The following CGNL1 variants were observed in gnomAD, a reference collection of about 807,000 sequenced individuals.
The protein encoded by CGNL1 is cingulin-like protein 1.
A neutral mutation model predicts 141.2 loss-of-function variants in CGNL1; 132 were observed. The observed-to-expected ratio is 0.93, with a 90% confidence interval of 0.81 to 1.08. The LOEUF (loss-of-function observed/expected upper bound fraction) is 1.08. Among genes scored for constraint, CGNL1 ranks in the 50% least tolerant of loss-of-function variants. CGNL1 has a pLI of 0.00. For missense variants in CGNL1, 1,870 were observed against 1,588.6 expected, an observed-to-expected ratio of 1.18 and a Z score of -3.01; for synonymous variants, 690 against 622.1, an observed-to-expected ratio of 1.11 and a Z score of -1.63.
intron 18 of CGNL1, among the ~76,000 whole-genome samples, chr15:57,546,737 CT>C (rs1291324003): frequency 6.6e-6 from 1 of 152,108 alleles, no homozygotes. Context: ...TTGTGGGTTG[CT>C]TTTTCTGCTC....
chr15:57,534,612 C>T (rs980235929), intron 14 of CGNL1, among the ~76,000 whole-genome samples: 9 of 152,188 alleles, frequency 5.9e-5, no homozygotes, highest in African/African-American at 9.7e-5. Flanking sequence ...CTTCTAGGGC[C>T]GTGTGCCTGT....
chr15:57,520,386 C>T (rs1033058489), intron 10 of CGNL1, among the ~76,000 whole-genome samples: 4 of 152,192 alleles, frequency 2.6e-5, no homozygotes, highest in African/African-American at 9.7e-5. Context: ...GTGTTTTTCT[C>T]AGTCTTTGTG....
intron 8 of CGNL1, among the ~76,000 whole-genome samples, chr15:57,496,797 A>G (rs1169595342): frequency 1.3e-5 from 2 of 152,190 alleles, no homozygotes; most frequent in African/African-American, 2.4e-5. Context: ...TAAAATCAGG[A>G]TAATTACAGA....
Position 57,482,731 on chromosome 15 carries a change from T to C in CGNL1, c.2403+20839T>C, listed in dbSNP as rs118037816. On this transcript the variant is annotated intron_variant, in intron 8 of 18. Transcript: ENST00000281282. ...TGGTAGACTGAATCTTCCACTTTAT[T>C]CTTTTTTAAAATTGTTTTAGCTATT... Among the ~76,000 whole-genome samples, 26 of 152,298 alleles carry C rather than the reference T, an allele frequency of 1.7e-4. 1 individual carries two copies. In the East Asian group the frequency reaches 4.4e-3, roughly 26 times the overall value.
intron 1 of CGNL1, among the ~76,000 whole-genome samples, chr15:57,387,120 GC>G (rs1801238025): frequency 6.6e-6 from 1 of 152,058 alleles, no homozygotes; most frequent in South Asian, 2.1e-4. Context: ...CTCCCTGCGA[GC>G]CCGCTCATCT....
chr15:57,464,059 G>T (rs528000936), intron 8 of CGNL1, among the ~76,000 whole-genome samples: 1 of 127,394 alleles, frequency 7.8e-6, no homozygotes, highest in African/African-American at 3.0e-5. Context: ...TTAGGCATAG[G>T]GGGCACTTTT....
chr15:57,528,597 A>G (rs1220926132), intron 12 of CGNL1, 57 bp from the exon 13 acceptor site: 1 of 1,574,312 alleles, frequency 6.4e-7, no homozygotes. Context: ...CTGTCTGTGG[A>G]GGTCTCTATG....
intron 4 of CGNL1, among the ~76,000 whole-genome samples, chr15:57,445,841 G>T (rs551153564): frequency 6.6e-6 from 1 of 152,148 alleles, no homozygotes; most frequent in African/African-American, 2.4e-5. Context: ...CCTTTTGAGA[G>T]AATCATCATG....
At chr15:57,455,853 T>A (rs546736958) in intron 7 of CGNL1, among the ~76,000 whole-genome samples, 1 of 152,296 alleles carries the variant, frequency 6.6e-6, no homozygotes, top group Non-Finnish European at 1.5e-5. Context: ...CAGAGGCTGA[T>A]AATGCGAGAT....
At chr15:57,428,829 C>T (rs1044706557) in intron 1 of CGNL1, among the ~76,000 whole-genome samples, 3 of 152,068 alleles carry the variant, frequency 2.0e-5, no homozygotes, top group Non-Finnish European at 4.4e-5. Flanking sequence ...TCGAGACCAT[C>T]CTGGCCAACA....
At chr15:57,425,806 G>T (rs1334502186) in intron 1 of CGNL1, among the ~76,000 whole-genome samples, 1 of 151,016 alleles carries the variant, frequency 6.6e-6, no homozygotes, top group Non-Finnish European at 1.5e-5. Flanking sequence ...ACCCTAAAAG[G>T]TTAAAATATA....
intron 8 of CGNL1, among the ~76,000 whole-genome samples, chr15:57,475,584 C>G (rs2063644850): frequency 6.6e-6 from 1 of 151,496 alleles, no homozygotes; most frequent in Non-Finnish European, 1.5e-5. Flanking sequence ...CAACCCCAAG[C>G]CTAGTTAATG....
At chr15:57,486,468 T>G (rs1394796106) in intron 8 of CGNL1, among the ~76,000 whole-genome samples, 2 of 152,196 alleles carry the variant, frequency 1.3e-5, no homozygotes. Context: ...ACTGTTCTTA[T>G]CACCAAATCT....
At chr15:57,381,029 T>A (rs1415336100) in intron 1 of CGNL1, among the ~76,000 whole-genome samples, 2 of 152,228 alleles carry the variant, frequency 1.3e-5, no homozygotes, top group Non-Finnish European at 1.5e-5. Context: ...AAACTGGACT[T>A]CACACTGTTT....
intron 1 of CGNL1, among the ~76,000 whole-genome samples, chr15:57,427,669 C>G (rs187475673): frequency 1.3e-5 from 2 of 152,210 alleles, no homozygotes; most frequent in Admixed American, 1.3e-4. Flanking sequence ...CAACATATTC[C>G]GAGGGAGAAT....
intron 8 of CGNL1, among the ~76,000 whole-genome samples, chr15:57,474,598 T>A (rs1385003642): frequency 1.3e-5 from 2 of 152,250 alleles, no homozygotes; most frequent in African/African-American, 4.8e-5. Flanking sequence ...GTCAGGGTTT[T>A]AAACCCAGCT....
chr15:57,438,250 T>C lies in CGNL1; in HGVS notation c.251T>C (p.Leu84Pro), dbSNP rs774625872. The change falls in exon 2 of 19, where the codon CTG becomes CCG. Residue 84 changes from leucine to proline, a missense_variant. Leu to Pro is a moderately conservative substitution (Grantham distance 98, BLOSUM62 -3). Transcript: ENST00000281282. ...PPFPPPVINN[L>P]PLHSSNGSVP... ...TTTCCACCTCCAGTGATAAATAACC[T>C]GCCTCTACATTCCAGCAATGGTTCT... 1 of 1,614,058 alleles carries C rather than the reference T, an allele frequency of 6.2e-7. No homozygotes were observed. Among genetic ancestry groups the C allele is most frequent in the African/African-American group, 1.3e-5 (1 of 74,920 alleles).
chr15:57,473,675 T>C (rs1187013083), intron 8 of CGNL1, among the ~76,000 whole-genome samples: 1 of 152,094 alleles, frequency 6.6e-6, no homozygotes, highest in East Asian at 1.9e-4. Flanking sequence ...CCAGCTGCCA[T>C]GTTGTAAGTG....
intron 14 of CGNL1, among the ~76,000 whole-genome samples, chr15:57,534,809 C>A (rs751835772): frequency 3.9e-5 from 6 of 152,234 alleles, no homozygotes; most frequent in Non-Finnish European, 8.8e-5. Context: ...CAAACTGCTA[C>A]TAGGCACTGA....
Sources: gnomAD v4.1 joint callset for allele counts (sites outside exome capture counted in the v4.1 genomes callset) on GRCh38, gnomAD v4.1.1 for gene constraint, MANE v1.5 for transcripts, NCBI Gene and HGNC (gene_info 2026-07-23, HGNC 2026-07-21) for gene names.